Variants in COL25A1 observed in about 807,000 individuals in gnomAD.
COL25A1 encodes the protein collagen alpha-1(XXV) chain.
A neutral mutation model predicts 128.4 loss-of-function variants in COL25A1; 103 were observed. The observed-to-expected ratio is 0.80, with a 90% CI of 0.68 to 0.94. The LOEUF is 0.94. COL25A1 is among the 40% of genes least tolerant of loss of function. The pLI is 0.00. For missense variants in COL25A1, 745 were observed against 840.0 expected (o/e 0.89, Z 1.40); for synonymous variants, 279 against 277.2 (o/e 1.01, Z -0.06).
chr4:108,905,002 C>T (rs1743305403), intron 13 of COL25A1, among the ~76,000 whole-genome samples: 1 of 152,066 alleles, frequency 6.6e-6, no homozygotes, highest in Non-Finnish European at 1.5e-5. Context: ...TCAAGGGCAA[C>T]TTGAATGAGT....
At chr4:108,979,157 A>G (rs1480109896) in intron 6 of COL25A1, among the ~76,000 whole-genome samples, 2 of 152,212 alleles carry the variant, frequency 1.3e-5, no homozygotes, top group Non-Finnish European at 2.9e-5. Flanking sequence ...ACGGCTTTAC[A>G]TTCAGAGTTT....
chr4:108,974,890 C>G (rs934233322), intron 6 of COL25A1, among the ~76,000 whole-genome samples: 4 of 152,152 alleles, frequency 2.6e-5, no homozygotes, highest in African/African-American at 9.7e-5. Flanking sequence ...GGGACATTTC[C>G]TTGTCACCAC....
At chr4:109,125,421 G>A (rs145625198) in intron 3 of COL25A1, among the ~76,000 whole-genome samples, 3 of 152,198 alleles carry the variant, frequency 2.0e-5, no homozygotes, top group Middle Eastern at 3.4e-3. Context: ...CTGAACACCC[G>A]ATTTCTTTCA....
intron 3 of COL25A1, among the ~76,000 whole-genome samples, chr4:109,204,617 G>C (rs146971380): frequency 6.6e-6 from 1 of 152,190 alleles, no homozygotes; most frequent in East Asian, 1.9e-4. Context: ...AAACCATAAG[G>C]AACTTTTGTT....
chr4:108,963,038 G>A (rs1224603082), intron 8 of COL25A1, among the ~76,000 whole-genome samples: 1 of 152,186 alleles, frequency 6.6e-6, no homozygotes, highest in African/African-American at 2.4e-5. Context: ...AAAGGATGCT[G>A]CTGTCTGGCA....
chr4:109,121,217 T>C (rs1205076388), intron 3 of COL25A1, among the ~76,000 whole-genome samples: 2 of 152,190 alleles, frequency 1.3e-5, no homozygotes, highest in Admixed American at 1.3e-4. Flanking sequence ...GGAGAAATCA[T>C]AGATAAACTT....
At chr4:109,035,996 C>T (rs541601066) in intron 5 of COL25A1, among the ~76,000 whole-genome samples, 24 of 152,070 alleles carry the variant, frequency 1.6e-4, no homozygotes, top group African/African-American at 5.5e-4. Context: ...GGCGTGATCT[C>T]GGCTCACTGC....
intron 4 of COL25A1, 114 bp from the exon 5 acceptor site, chr4:109,048,289 G>T: frequency 9.8e-7 from 1 of 1,021,930 alleles, no homozygotes; most frequent in Non-Finnish European, 1.4e-6. Context: ...TAATAGACAT[G>T]GAAGTTTTTT....
chr4:108,892,762 A>G (rs1741665629), intron 16 of COL25A1, among the ~76,000 whole-genome samples: 1 of 152,200 alleles, frequency 6.6e-6, no homozygotes, highest in East Asian at 1.9e-4. Flanking sequence ...ATGGCTATCA[A>G]AGGAATTATA....
intron 5 of COL25A1, among the ~76,000 whole-genome samples, chr4:109,015,081 CT>C (rs1398152304): frequency 6.6e-6 from 1 of 152,226 alleles, no homozygotes; most frequent in Non-Finnish European, 1.5e-5. Flanking sequence ...GTAATGGTAT[CT>C]GCTCTGAGCA....
At position 109,088,588 on chromosome 4, in the gene COL25A1, T is replaced by C. The variant is rs189554385; in HGVS notation, c.368-38409A>G. 2.7e-4 allele frequency among the ~76,000 whole-genome samples: 41 copies of C among 152,304 alleles called. No homozygotes were observed. The East Asian group carries it at 7.5e-3, about 28-fold the overall frequency. On this transcript the variant is annotated intron_variant, in intron 3 of 37. Coordinates refer to ENST00000399132, the MANE Select transcript of COL25A1 (RefSeq NM_198721.4). ...CCCATGAAGCTTAACACAGTGCCTATGAAGCAGACATTCAAAACTGATGAA... is the reference window on the plus strand; with the variant it reads ...CCCATGAAGCTTAACACAGTGCCTACGAAGCAGACATTCAAAACTGATGAA...
At chr4:108,869,349 G>T (rs2125809447) in intron 19 of COL25A1, among the ~76,000 whole-genome samples, 199 bp from the exon 20 acceptor site, 1 of 152,216 alleles carries the variant, frequency 6.6e-6, no homozygotes, top group South Asian at 2.1e-4. Context: ...AACTGTAATA[G>T]TATATAGCAC....
intron 3 of COL25A1, among the ~76,000 whole-genome samples, chr4:109,180,075 G>A (rs1471917637): frequency 6.6e-6 from 1 of 152,132 alleles, no homozygotes; most frequent in East Asian, 1.9e-4. Context: ...AAATACGTCT[G>A]GTTAGAGTGA....
intron 5 of COL25A1, among the ~76,000 whole-genome samples, chr4:109,034,147 T>C (rs1053488990): frequency 6.6e-5 from 10 of 152,154 alleles, no homozygotes; most frequent in Non-Finnish European, 1.2e-4. Flanking sequence ...CTGAAAAACA[T>C]CTTTACCTAA....
intron 3 of COL25A1, among the ~76,000 whole-genome samples, chr4:109,092,868 C>T (rs146011553): frequency 5.3e-5 from 8 of 152,154 alleles, no homozygotes; most frequent in African/African-American, 1.9e-4. Flanking sequence ...AAGTAACTCA[C>T]TCAATCTGTG....
chr4:109,273,683 G>A (rs1468342122), intron 3 of COL25A1, among the ~76,000 whole-genome samples: 2 of 152,016 alleles, frequency 1.3e-5, no homozygotes, highest in Non-Finnish European at 2.9e-5. Context: ...CCTATTTTAA[G>A]GCTAATAATC....
chr4:108,824,280 T>A, intron 34 of COL25A1, 53 bp from the exon 35 acceptor site: 1 of 1,226,990 alleles, frequency 8.2e-7, no homozygotes, highest in South Asian at 1.3e-5. Flanking sequence ...AGTGGCAAAA[T>A]CATATAGAAA....
intron 3 of COL25A1, among the ~76,000 whole-genome samples, chr4:109,267,068 G>T (rs187930264): frequency 4.6e-5 from 7 of 152,232 alleles, no homozygotes; most frequent in Non-Finnish European, 2.9e-5. Context: ...AATAGAAACT[G>T]CAACCAAGTC....
chr4:109,129,106 C>CA (rs1768916432), intron 3 of COL25A1, among the ~76,000 whole-genome samples: 1 of 151,932 alleles, frequency 6.6e-6, no homozygotes, highest in Non-Finnish European at 1.5e-5. Flanking sequence ...CATGCTTTTA[C>CA]TTAGTTGGAC....
Sources: allele counts gnomAD v4.1 joint callset (sites outside exome capture counted in the v4.1 genomes callset), GRCh38; gene constraint gnomAD v4.1.1; transcripts MANE v1.5; gene names NCBI Gene and HGNC (gene_info 2026-07-23, HGNC 2026-07-21).